DPY19L1: variants seen among roughly 807,000 people sequenced by gnomAD.
The protein encoded by DPY19L1 is dpy-19 like C-mannosyltransferase 1.
In DPY19L1, 35 loss-of-function variants were observed where a neutral mutation model predicts 96.9. The observed-to-expected ratio is 0.36, with a 90% CI of 0.28 to 0.48. DPY19L1 has a LOEUF of 0.48. DPY19L1 is among the 20% of genes least tolerant of loss of function. DPY19L1 has a pLI of 0.99. For synonymous variants in DPY19L1, 205 were observed against 252.6 expected (o/e 0.81, Z 1.79); for missense variants, 521 against 777.9 (o/e 0.67, Z 3.93).
intron 13 of DPY19L1, among the ~76,000 whole-genome samples, chr7:34,951,157 A>G (rs752330774): frequency 9.9e-5 from 15 of 152,132 alleles, no homozygotes; most frequent in African/African-American, 3.6e-4. Flanking sequence ...ATATGGATTC[A>G]AAGTACACAG....
chr7:34,995,037 C>T (rs1213195662), intron 6 of DPY19L1, among the ~76,000 whole-genome samples: 2 of 151,804 alleles, frequency 1.3e-5, no homozygotes, highest in African/African-American at 4.8e-5. Context: ...CAAAAGAGGC[C>T]GATTTTTTTC....
intron 1 of DPY19L1, among the ~76,000 whole-genome samples, chr7:35,019,532 A>G (rs1222780157): frequency 6.6e-6 from 1 of 151,812 alleles, no homozygotes; most frequent in East Asian, 1.9e-4. Flanking sequence ...GAAGAAGAGA[A>G]GGAGAAGGAA....
chr7:35,030,418 A>T (rs577866151), intron 1 of DPY19L1, among the ~76,000 whole-genome samples: 3 of 152,362 alleles, frequency 2.0e-5, no homozygotes, highest in Admixed American at 2.0e-4. Context: ...AATTAGTGCT[A>T]CTGTAAACTA....
intron 1 of DPY19L1, among the ~76,000 whole-genome samples, chr7:35,031,780 A>T (rs1786265939): frequency 6.6e-6 from 1 of 152,220 alleles, no homozygotes; most frequent in Admixed American, 6.5e-5. Context: ...TTCTAACTGT[A>T]TCTGTTAATA....
At chr7:35,017,840 A>G in intron 3 of DPY19L1, 42 bp downstream of exon 3, 2 of 1,426,872 alleles carry the variant, frequency 1.4e-6, no homozygotes, top group South Asian at 2.6e-5. Context: ...AATGTTTTTA[A>G]ATTCCTAAAG....
In DPY19L1 at chr7:34,940,200, A is replaced by C. The variant is rs759696047; in HGVS notation, c.1817T>G (p.Leu606Trp). ...QWNIVGEFSN[L>W]PQEELIEWIK... ...CCATTCTATAAGTTCTTCTTGGGGC[A>C]AATTGCTGAACTCCCCTACAATATT... The change falls in exon 19 of 22, where the codon TTG (leucine) becomes TGG (tryptophan). Residue 606 changes from leucine to tryptophan, a missense_variant. By Grantham distance (61) the Leu-to-Trp change is moderately conservative. Coordinates refer to ENST00000638088, the MANE Select transcript of DPY19L1 (RefSeq NM_001366673.1). The C allele has an allele frequency of 1.2e-6, 2 of 1,605,428 alleles. No homozygotes were observed.
intron 6 of DPY19L1, among the ~76,000 whole-genome samples, chr7:35,010,031 C>T (rs1785666709): frequency 6.6e-6 from 1 of 152,084 alleles, no homozygotes; most frequent in South Asian, 2.1e-4. Context: ...GAAGTTGAGA[C>T]TAGTCTGGGC....
upstream of DPY19L1, chr7:35,037,856 C>T: frequency 8.1e-7 from 1 of 1,235,012 alleles, no homozygotes; most frequent in Non-Finnish European, 1.0e-6. Flanking sequence ...GGTGCGAGGA[C>T]GCGGGGGCGG....
intron 6 of DPY19L1, among the ~76,000 whole-genome samples, chr7:35,004,487 G>T (rs1484849040): frequency 1.3e-5 from 2 of 152,198 alleles, no homozygotes; most frequent in African/African-American, 4.8e-5. Flanking sequence ...TTGAGGGAAG[G>T]AAAGAGAATG....
chr7:34,937,930 G>A, intron 21 of DPY19L1, 64 bp downstream of exon 21: 1 of 1,550,102 alleles, frequency 6.5e-7, no homozygotes, highest in East Asian at 2.3e-5. Context: ...CAAAGCATGT[G>A]CCATGTGCTT....
chr7:35,009,718 C>T (rs1785653698), intron 6 of DPY19L1, among the ~76,000 whole-genome samples: 1 of 152,100 alleles, frequency 6.6e-6, no homozygotes, highest in South Asian at 2.1e-4. Context: ...GACCCAAATG[C>T]TCTAAGGTAA....
rs369959487 is a variant in DPY19L1, at chr7:34,946,359, G to C, written c.1495-643C>G. On this transcript the variant is annotated intron_variant, in intron 15 of 21. Transcript: ENST00000638088. ...TCAAAAGTCATACCTCCTGGAATTG[G>C]CCATGATTCTAAGGAGCCAGATTGT... Among the ~76,000 whole-genome samples, 34 of 152,266 alleles carry C rather than the reference G, an allele frequency of 2.2e-4. No individual in the cohort carries two copies. In the East Asian group the frequency reaches 5.2e-3, roughly 23 times the overall value.
rs1783732068 is a variant in DPY19L1, at chr7:34,930,578, TAAAAGA to T, written c.*989_*994del. ...GTCATGTTTTATTGTATCTTAATAG[TAAAAGA>T]AAAATTACCATGTACTACAGTCTAC... On this transcript the variant is annotated 3_prime_UTR_variant, in exon 22 of 22. Transcript: ENST00000638088. The T allele has an allele frequency of 6.6e-6, 1 of 152,152 alleles. No homozygotes were observed. Among genetic ancestry groups the T allele is most frequent in the Non-Finnish European group, 1.5e-5 (1 of 68,020 alleles). The allele number at this position is 152,152 out of a possible 1,614,324, so 9.4% of individuals were successfully genotyped here. A position where few individuals can be genotyped will look rare whatever the true frequency, so the allele number is the denominator to read the frequency against.
chr7:35,035,926 G>A lies in DPY19L1; in HGVS notation c.298+1171C>T, dbSNP rs570495158. On this transcript the variant is annotated intron_variant, in intron 1 of 21. Transcript: ENST00000638088. ...CTGAGATAAAAAAAAAGGGGGCGGG[G>A]GGAAATGTGCTGGAAACAGACAAAC... 2.4e-4 allele frequency among the ~76,000 whole-genome samples: 36 copies of A among 151,912 alleles called. 1 individual carries two copies. The South Asian group carries it at 7.5e-3, about 32-fold the overall frequency.
chr7:34,997,471 G>A (rs1447707552), intron 6 of DPY19L1, among the ~76,000 whole-genome samples: 3 of 149,544 alleles, frequency 2.0e-5, no homozygotes, highest in South Asian at 2.1e-4. Context: ...TTAGCTGGGC[G>A]TGGTGCCAGG....
At chr7:34,992,058 G>A (rs1207626435) in intron 6 of DPY19L1, among the ~76,000 whole-genome samples, 3 of 152,162 alleles carry the variant, frequency 2.0e-5, no homozygotes, top group Admixed American at 6.5e-5. Flanking sequence ...AGACACGTGA[G>A]TCAAAGGATG....
At chr7:34,952,719 CA>C (rs1268576795) in intron 13 of DPY19L1, among the ~76,000 whole-genome samples, 2 of 152,020 alleles carry the variant, frequency 1.3e-5, no homozygotes, top group South Asian at 2.1e-4. Flanking sequence ...CAAACTAGAT[CA>C]ACACTCATAT....
chr7:35,037,906 G>T, upstream of DPY19L1: 3 of 1,238,948 alleles, frequency 2.4e-6, no homozygotes, highest in Non-Finnish European at 3.0e-6. Context: ...TTGTGGGAGT[G>T]ATGGGGCCGA....
chr7:35,017,353 G>A lies in DPY19L1; in HGVS notation c.411+529C>T, dbSNP rs545022425. Among the ~76,000 whole-genome samples, 4 of 151,626 alleles carry A rather than the reference G, an allele frequency of 2.6e-5. No individual in the cohort carries two copies. The South Asian group carries it at 8.3e-4, about 32-fold the overall frequency. ...CTAAAAAAATACAAAAAATTAGCCG[G>A]GCGCGGTGGCGGGCGCCTGTAGTCC... On this transcript the variant is annotated intron_variant, in intron 3 of 21. Coordinates refer to ENST00000638088, the MANE Select transcript of DPY19L1 (RefSeq NM_001366673.1).
Sources: gnomAD v4.1 joint callset for allele counts (sites outside exome capture counted in the v4.1 genomes callset) on GRCh38, gnomAD v4.1.1 for gene constraint, MANE v1.5 for transcripts, NCBI Gene and HGNC (gene_info 2026-07-23, HGNC 2026-07-21) for gene names.